UBE4B: variants seen among roughly 807,000 people sequenced by gnomAD.
UBE4B encodes the protein ubiquitin conjugation factor E4 B.
A neutral mutation model predicts 148.1 loss-of-function variants in UBE4B; 27 were observed. The ratio of observed to expected loss-of-function variants is 0.18; its 90% confidence interval spans 0.13 to 0.25. The LOEUF (loss-of-function observed/expected upper bound fraction) is 0.25, where lower values mean the gene tolerates loss of function less well. Ranked by LOEUF, UBE4B falls within the 10% of genes least tolerant of loss-of-function variation. UBE4B has a pLI of 1.00. For missense variants in UBE4B, 1,170 were observed against 1,662.4 expected (o/e 0.70, Z 5.15); for synonymous variants, 596 against 619.3 (o/e 0.96, Z 0.56).
chr1:10,147,054 A>G lies in UBE4B; in HGVS notation c.2555A>G (p.Gln852Arg). The change falls in exon 19 of 28, where the codon CAG becomes CGG. Residue 852 changes from glutamine (Q) to arginine (R), a missense_variant. Physicochemically the swap from Gln to Arg is conservative, Grantham distance 43 (BLOSUM62 1). Around this residue, in one of 6 missense-constraint regions of UBE4B, gnomAD observed 348 missense variants for 627.2 expected, o/e 0.55. Coordinates refer to ENST00000343090, the MANE Select transcript of UBE4B (RefSeq NM_001105562.3). ...CTGAATTTTTATGGCCTTCTCATTC[A>G]GCTGCTGCTCCGCATCCTGGACCCC... ...RCLNFYGLLI[Q>R]LLLRILDPAY... 6.2e-7 allele frequency: 1 copy of G among 1,614,136 alleles called. No individual in the cohort carries two copies. Among genetic ancestry groups the G allele is most frequent in the Non-Finnish European group, 8.5e-7 (1 of 1,180,018 alleles).
intron 1 of UBE4B, among the ~76,000 whole-genome samples, chr1:10,064,659 C>G (rs1328541928): frequency 1.3e-5 from 2 of 152,122 alleles, no homozygotes; most frequent in Non-Finnish European, 2.9e-5. Flanking sequence ...CTCAACAGCC[C>G]TGGCTAGTCC....
chr1:10,106,528 C>T lies in UBE4B; in HGVS notation c.1141C>T (p.Pro381Ser). Residue 381 changes from proline to serine, a missense_variant, in exon 7 of 28, where the codon CCC (proline) becomes TCC (serine). Pro to Ser is a moderately conservative substitution (Grantham distance 74). Around this residue, in one of 6 missense-constraint regions of UBE4B, gnomAD observed 214 missense variants for 209.1 expected, o/e 1.02. Transcript: ENST00000343090. The surrounding 1 kb of genome is among the most constrained non-coding windows in gnomAD (Gnocchi z 4.2). ...CAGCAGCACGGGTCCACCCCTACCA[C>T]CCGCCTCACCCAGTGCCACGAGCAG... ...RPSSTGPPLP[P>S]ASPSATSRRP... 6.2e-7 allele frequency: 1 copy of T among 1,604,464 alleles called. No homozygotes were observed. The highest frequency in any genetic ancestry group is 8.5e-7 in the Non-Finnish European group (1 of 1,177,174).
chr1:10,089,701 ATT>A (rs113644846), intron 2 of UBE4B, among the ~76,000 whole-genome samples: 23 of 142,232 alleles, frequency 1.6e-4, no homozygotes, highest in African/African-American at 3.9e-4. Flanking sequence ...TACTTTTGTA[ATT>A]TTTTTTTTTT....
chr1:10,179,691 T>C (rs1646477861), intron 27 of UBE4B, 129 bp downstream of exon 27: 1 of 1,475,490 alleles, frequency 6.8e-7, no homozygotes, highest in Non-Finnish European at 9.1e-7. Flanking sequence ...TATGACACTC[T>C]GTAGCAAAGA....
At chr1:10,087,744 C>T (rs1049799535) in intron 2 of UBE4B, among the ~76,000 whole-genome samples, 10 of 152,180 alleles carry the variant, frequency 6.6e-5, no homozygotes, top group Non-Finnish European at 1.5e-4. Flanking sequence ...GGCCGTGTTT[C>T]TCCACTTAAA....
rs146544433 is a variant in UBE4B, at chr1:10,103,090, A to G, written c.578A>G (p.Glu193Gly). 1.0e-3 allele frequency: 1,625 copies of G among 1,602,338 alleles called. 2 individuals are homozygous for G. Among genetic ancestry groups the G allele is most frequent in the Non-Finnish European group, 1.3e-3 (1,475 of 1,173,532 alleles). The part of the protein sequence containing the change: ...LSAQFKQNPK[E>G]VFSDFKDLIG... ...GCACAGTTTAAGCAGAACCCAAAAGAAGGTAGGAATCTAGCTCAGCAGTCT... is the reference window on the plus strand; with the variant it reads ...GCACAGTTTAAGCAGAACCCAAAAGGAGGTAGGAATCTAGCTCAGCAGTCT... Residue 193 changes from glutamate (E) to glycine (G), a missense_variant and splice_region_variant, in exon 5 of 28, where the codon GAA (glutamate) becomes GGA (glycine). Physicochemically the swap from Glu to Gly is moderately conservative, Grantham distance 98. This residue lies in a region of UBE4B where 91 missense variants were observed against 120.5 expected (regional missense o/e 0.76). Coordinates refer to ENST00000343090, the MANE Select transcript of UBE4B (RefSeq NM_001105562.3).
intron 1 of UBE4B, among the ~76,000 whole-genome samples, chr1:10,042,364 C>T (rs1570765342): frequency 6.6e-6 from 1 of 152,206 alleles, no homozygotes; most frequent in Non-Finnish European, 1.5e-5. Flanking sequence ...AAAAAACAAG[C>T]ATGGCCGGGC....
intron 1 of UBE4B, among the ~76,000 whole-genome samples, chr1:10,048,360 G>A (rs1643957718): frequency 6.6e-6 from 1 of 152,178 alleles, no homozygotes; most frequent in African/African-American, 2.4e-5. Flanking sequence ...TTGTATAGGA[G>A]TTTGCAGTTC....
intron 20 of UBE4B, among the ~76,000 whole-genome samples, chr1:10,149,547 T>C (rs1240034630): frequency 6.6e-6 from 1 of 152,194 alleles, no homozygotes; most frequent in Non-Finnish European, 1.5e-5. Context: ...TAAATATGTG[T>C]TTCTGAGCAA....
chr1:10,148,055 G>A (rs954226710), intron 19 of UBE4B, among the ~76,000 whole-genome samples: 42 of 151,990 alleles, frequency 2.8e-4, no homozygotes, highest in African/African-American at 8.9e-4. Context: ...GTGAAACCCC[G>A]TCTCTACTAA....
Position 10,151,576 on chromosome 1 carries a change from C to G in UBE4B, c.2926+15C>G. On this transcript the variant is annotated intron_variant, in intron 21 of 27. Transcript: ENST00000343090. The stretch of plus-strand genomic sequence containing the variant: ...GTTTTATACAGGTAGGTTGCTGGAA[C>G]ACAGTGTAGCACATGGCAGGCCAAC... The G allele has an allele frequency of 6.2e-7, 1 of 1,604,706 alleles. No homozygotes were observed.
At chr1:10,104,507 C>T (rs542171263) in intron 5 of UBE4B, among the ~76,000 whole-genome samples, 4 of 152,008 alleles carry the variant, frequency 2.6e-5, no homozygotes, top group South Asian at 4.2e-4. Flanking sequence ...TAAATGGATG[C>T]GTGAATATCA....
At chr1:10,097,052 A>AATAAATAAT (rs1553143703) in intron 3 of UBE4B, among the ~76,000 whole-genome samples, 2 of 138,516 alleles carry the variant, frequency 1.4e-5, no homozygotes, top group African/African-American at 2.6e-5. Flanking sequence ...AAAAAAAAAA[A>AATAAATAAT]AATAATAATA....
intron 23 of UBE4B, among the ~76,000 whole-genome samples, chr1:10,166,525 C>T (rs1015371472): frequency 1.3e-5 from 2 of 152,190 alleles, no homozygotes; most frequent in African/African-American, 4.8e-5. Context: ...CGGTGGCTTA[C>T]ACTTGTAATC....
intron 23 of UBE4B, among the ~76,000 whole-genome samples, chr1:10,167,388 G>A (rs1379641255): frequency 2.0e-5 from 3 of 150,240 alleles, no homozygotes; most frequent in Non-Finnish European, 4.4e-5. Flanking sequence ...CCGGTGAGCC[G>A]AGATCGCGCC....
At chr1:10,101,086 T>C in intron 3 of UBE4B, 22 bp from the exon 4 acceptor site, 2 of 1,608,784 alleles carry the variant, frequency 1.2e-6, no homozygotes, top group Non-Finnish European at 1.7e-6. Flanking sequence ...GTAAAAGGCT[T>C]GTTTGTCTTT....
Position 10,175,929 on chromosome 1 carries a change from T to C in UBE4B, c.3526-2715T>C, listed in dbSNP as rs151158190. 2.3e-3 allele frequency among the ~76,000 whole-genome samples: 351 copies of C among 152,326 alleles called. 2 individuals carry two copies. The highest frequency in any genetic ancestry group is 0.014 in the Middle Eastern group (4 of 294). ...CACAGCGTTGCACAGCCACCACCTC[T>C]ACCTAGTTCCACTACATGTATCACC... On this transcript the variant is annotated intron_variant, in intron 25 of 27. Transcript: ENST00000343090.
chr1:10,107,576 C>CTTTTTT (rs60975850), intron 7 of UBE4B, among the ~76,000 whole-genome samples: 2 of 128,288 alleles, frequency 1.6e-5, no homozygotes, highest in Admixed American at 7.8e-5. Context: ...TTCTTTCTTT[C>CTTTTTT]TTTTTTTTTT....
chr1:10,034,573 C>T (rs1037594492), intron 1 of UBE4B, among the ~76,000 whole-genome samples: 2 of 152,120 alleles, frequency 1.3e-5, no homozygotes, highest in African/African-American at 2.4e-5. Context: ...AAATTAGGAG[C>T]TTCCCTTTCA....
Sources: gnomAD v4.1 joint callset for allele counts (sites outside exome capture counted in the v4.1 genomes callset) on GRCh38, gnomAD v4.1.1 for gene constraint, gnomAD v4.1.1 regional missense constraint, Gnocchi (gnomAD v3.1) non-coding constraint, MANE v1.5 for transcripts, NCBI Gene and HGNC (gene_info 2026-07-23, HGNC 2026-07-21) for gene names.